The following CFAP97 variants were observed in gnomAD, a reference collection of about 807,000 sequenced individuals.
CFAP97 encodes cilia- and flagella-associated protein 97.
Under a neutral mutation model 43.1 loss-of-function variants are expected in CFAP97, and 36 were observed. That is an observed-to-expected ratio of 0.84 (90% CI 0.64 to 1.10). CFAP97 has a LOEUF of 1.10. Ranked by LOEUF, CFAP97 falls within the 50% of genes least tolerant of loss-of-function variation. The pLI is 0.00. For missense variants in CFAP97, 657 were observed against 620.3 expected (o/e 1.06, Z -0.63); for synonymous variants, 228 against 225.7 (o/e 1.01, Z -0.09).
intron 1 of CFAP97, among the ~76,000 whole-genome samples, chr4:185,192,057 T>G (rs188690699): frequency 6.6e-6 from 1 of 152,312 alleles, no homozygotes; most frequent in East Asian, 1.9e-4. Context: ...TTGACTGACA[T>G]TTCAGGACTT....
chr4:185,200,696 A>C (rs1579271960), intron 1 of CFAP97, among the ~76,000 whole-genome samples: 1 of 151,714 alleles, frequency 6.6e-6, no homozygotes, highest in African/African-American at 2.4e-5. Context: ...GTGAGGCAGG[A>C]GGATCACTTG....
At chr4:185,184,979 C>T (rs75171689) in intron 2 of CFAP97, among the ~76,000 whole-genome samples, 5,925 of 152,018 alleles carry the variant, frequency 0.039, 377 homozygotes, top group African/African-American at 0.13. Context: ...GGAAGTGTCC[C>T]CTTAAAAATA....
rs1231814970 is a variant in CFAP97 at position 185,175,844 on chromosome 4, A to C, written c.1262T>G (p.Leu421Ter). ...CTGTCTGTTGAGAGCACTGTGATATAACTTTGGGGGATGATCAGCCGATCT... is the reference window on the plus strand; with the variant it reads ...CTGTCTGTTGAGAGCACTGTGATATCACTTTGGGGGATGATCAGCCGATCT... The part of the protein sequence containing the change: ...IPRSADHPPK[L>*]YHSALNRQKE... Residue 421 changes from leucine (L) to a stop codon, truncating the protein, a stop_gained, in exon 3 of 5, where the codon TTA becomes TGA. Coordinates refer to ENST00000458385, the MANE Select transcript of CFAP97 (RefSeq NM_020827.3). LOFTEE classifies it high-confidence loss of function. 4 of 1,613,980 alleles carry C rather than the reference A, an allele frequency of 2.5e-6. No individual in the cohort carries two copies. The highest frequency in any genetic ancestry group is 3.4e-6 in the Non-Finnish European group (4 of 1,179,866).
chr4:185,172,600 A>C (rs1735343779), intron 3 of CFAP97, among the ~76,000 whole-genome samples: 2 of 152,232 alleles, frequency 1.3e-5, no homozygotes. Context: ...CATCAAAAAT[A>C]TAAAGGAATG....
upstream of CFAP97, chr4:185,209,979 C>T (rs1313951737): frequency 3.1e-6 from 3 of 983,486 alleles, no homozygotes; most frequent in Non-Finnish European, 3.6e-6. The surrounding 1 kb of genome is among the most constrained non-coding windows in gnomAD (Gnocchi z 5.2). Flanking sequence ...CGCCGGGGGC[C>T]CCGGGCGGCC....
intron 3 of CFAP97, chr4:185,169,975 G>A: frequency 1.9e-6 from 2 of 1,053,266 alleles, no homozygotes; most frequent in South Asian, 9.1e-5. Context: ...ATTCATAGTA[G>A]GTATGAGACT....
chr4:185,189,608 T>C (rs1428408052), intron 2 of CFAP97, among the ~76,000 whole-genome samples: 1 of 152,220 alleles, frequency 6.6e-6, no homozygotes, highest in Non-Finnish European at 1.5e-5. Context: ...TACCTTATTA[T>C]CTTAAAGCAA....
At position 185,190,338 on chromosome 4, in the gene CFAP97, C is replaced by T; in HGVS notation, c.859G>A (p.Val287Met). Residue 287 changes from valine (V) to methionine (M), a missense_variant, in exon 2 of 5, where the codon GTG becomes ATG. By Grantham distance (21) the Val-to-Met change is conservative (BLOSUM62 1). Coordinates refer to ENST00000458385, the MANE Select transcript of CFAP97 (RefSeq NM_020827.3). ...ACATCTTCATATATTTCTTGGCTCA[C>T]ATTTTCTTGCTTTTTAATTTTCACT... ...QKVKIKKQEN[V>M]SQEIYEDVED... 6.2e-6 allele frequency: 10 copies of T among 1,603,906 alleles called. No homozygotes were observed. The highest frequency in any genetic ancestry group is 6.8e-6 in the Non-Finnish European group (8 of 1,174,154).
upstream of CFAP97, among the ~76,000 whole-genome samples, chr4:185,208,098 T>C (rs181751599): frequency 2.3e-3 from 347 of 152,250 alleles, no homozygotes; most frequent in African/African-American, 8.1e-3. Flanking sequence ...AAATTAATCA[T>C]ACTGCTTTAT....
At chr4:185,177,924 G>C (rs1315878791) in intron 2 of CFAP97, among the ~76,000 whole-genome samples, 1 of 152,106 alleles carries the variant, frequency 6.6e-6, no homozygotes, top group Non-Finnish European at 1.5e-5. Flanking sequence ...CACAAAAATT[G>C]TAACTCTACT....
At chr4:185,169,591 A>T (rs1437425087) in intron 3 of CFAP97, 1 of 979,366 alleles carries the variant, frequency 1.0e-6, no homozygotes, top group East Asian at 1.1e-4. Flanking sequence ...TTTATTTTAT[A>T]TCCAGGAATT....
intron 3 of CFAP97, among the ~76,000 whole-genome samples, chr4:185,171,946 C>T (rs865908808): frequency 2.1e-4 from 32 of 152,128 alleles, no homozygotes; most frequent in Admixed American, 4.6e-4. Flanking sequence ...ATGTTGCTTG[C>T]CCATGCTTGT....
At chr4:185,180,966 T>C (rs1735756240) in intron 2 of CFAP97, among the ~76,000 whole-genome samples, 1 of 152,148 alleles carries the variant, frequency 6.6e-6, no homozygotes, top group Non-Finnish European at 1.5e-5. Context: ...AAGATATTAA[T>C]TCCTCTAAAA....
At chr4:185,201,430 A>G (rs1736824535) in intron 1 of CFAP97, among the ~76,000 whole-genome samples, 1 of 152,094 alleles carries the variant, frequency 6.6e-6, no homozygotes, top group Non-Finnish European at 1.5e-5. Context: ...AAGCAAAGTT[A>G]ATCATTGTCT....
At chr4:185,197,102 TAAAAAA>T (rs60986571) in intron 1 of CFAP97, among the ~76,000 whole-genome samples, 2 of 86,800 alleles carry the variant, frequency 2.3e-5, no homozygotes, top group Non-Finnish European at 4.2e-5. Flanking sequence ...CCCTCTTAAT[TAAAAAA>T]AAAAAAAAAA....
At chr4:185,196,651 G>T (rs1194993259) in intron 1 of CFAP97, among the ~76,000 whole-genome samples, 2 of 152,094 alleles carry the variant, frequency 1.3e-5, no homozygotes, top group African/African-American at 4.8e-5. Flanking sequence ...TTCATCAAAA[G>T]GTAATGTACT....
At chr4:185,165,512 G>A (rs1735035550) in intron 3 of CFAP97, among the ~76,000 whole-genome samples, 1 of 152,140 alleles carries the variant, frequency 6.6e-6, no homozygotes, top group Non-Finnish European at 1.5e-5. Flanking sequence ...AGACCAAACA[G>A]CTTGGGGAAT....
chr4:185,167,304 C>CA (rs962279189), intron 3 of CFAP97, among the ~76,000 whole-genome samples: 31 of 152,038 alleles, frequency 2.0e-4, no homozygotes, highest in African/African-American at 6.5e-4. Context: ...CCGTCTCTTA[C>CA]AAAAAATACA....
At chr4:185,199,034 G>C (rs1368816347) in intron 1 of CFAP97, among the ~76,000 whole-genome samples, 1 of 152,132 alleles carries the variant, frequency 6.6e-6, no homozygotes, top group Non-Finnish European at 1.5e-5. Flanking sequence ...AATGGAGCTG[G>C]TGACTTTAAA....
Sources: gnomAD v4.1 joint callset for allele counts (sites outside exome capture counted in the v4.1 genomes callset) on GRCh38, gnomAD v4.1.1 for gene constraint, Gnocchi (gnomAD v3.1) non-coding constraint, MANE v1.5 for transcripts, NCBI Gene and HGNC (gene_info 2026-07-23, HGNC 2026-07-21) for gene names.